The following SPTBN1 variants were observed in gnomAD, a reference collection of about 807,000 sequenced individuals.
The protein encoded by SPTBN1 is spectrin beta chain, non-erythrocytic 1.
A neutral mutation model predicts 266.4 loss-of-function variants in SPTBN1; 32 were observed. The observed-to-expected ratio is 0.12, with a 90% CI of 0.09 to 0.16. The LOEUF (loss-of-function observed/expected upper bound fraction) is 0.16, where lower values mean the gene tolerates loss of function less well. Ranked by LOEUF, SPTBN1 falls within the 10% of genes least tolerant of loss-of-function variation. SPTBN1 has a pLI of 1.00. For missense variants in SPTBN1, 2,296 were observed against 3,067.1 expected, an observed-to-expected ratio of 0.75 and a Z score of 5.94; for synonymous variants, 1,336 against 1,162.2, an observed-to-expected ratio of 1.15 and a Z score of -3.04.
chr2:54,477,983 T>C (rs1388794512), intron 1 of SPTBN1, among the ~76,000 whole-genome samples: 1 of 152,118 alleles, frequency 6.6e-6, no homozygotes, highest in African/African-American at 2.4e-5. Context: ...GAGAAAACCT[T>C]CTTCAGAGCC....
chr2:54,614,069 C>T (rs947446947), intron 4 of SPTBN1, among the ~76,000 whole-genome samples: 2 of 152,172 alleles, frequency 1.3e-5, no homozygotes, highest in Non-Finnish European at 2.9e-5. Flanking sequence ...TATAATTCAA[C>T]TTGTAAATGC....
chr2:54,605,667 C>T (rs1197534611), intron 3 of SPTBN1, among the ~76,000 whole-genome samples: 4 of 152,178 alleles, frequency 2.6e-5, no homozygotes, highest in Non-Finnish European at 5.9e-5. Flanking sequence ...TAAACTTGCC[C>T]AGGTATTGTG....
At chr2:54,603,007 C>T (rs1573508832) in intron 3 of SPTBN1, among the ~76,000 whole-genome samples, 2 of 152,328 alleles carry the variant, frequency 1.3e-5, no homozygotes, top group Non-Finnish European at 2.9e-5. Context: ...AGCCACAGAA[C>T]TCCTACATTA....
In SPTBN1 at chr2:54,645,552, C is replaced by T. The variant is rs370946395; in HGVS notation, c.4494+99C>T. 2,750 of 1,319,800 alleles carry T rather than the reference C, an allele frequency of 2.1e-3. 71 individuals carry two copies. The South Asian group carries it at 0.035, about 17-fold the overall frequency. The allele number at this position is 1,319,800 out of a possible 1,614,324, so 81.8% of individuals were successfully genotyped here. On this transcript the variant is annotated intron_variant, in intron 21 of 35. Coordinates refer to ENST00000356805, the MANE Select transcript of SPTBN1 (RefSeq NM_003128.3). The surrounding 1 kb of genome is among the most constrained non-coding windows in gnomAD (Gnocchi z 4.3). Reference sequence around the variant, plus strand: ...TCTCAGTCATCCTCACCTTGGGCCACGTTGGCAAGCTGAGCTGCCAAAGTC... The same window carrying T: ...TCTCAGTCATCCTCACCTTGGGCCATGTTGGCAAGCTGAGCTGCCAAAGTC...
chr2:54,604,654 TTATG>T (rs1220540437), intron 3 of SPTBN1, among the ~76,000 whole-genome samples: 1 of 152,102 alleles, frequency 6.6e-6, no homozygotes, highest in Non-Finnish European at 1.5e-5. Flanking sequence ...CTAGAGATGT[TTATG>T]TAGCCCCTTA....
intron 4 of SPTBN1, among the ~76,000 whole-genome samples, chr2:54,613,759 G>A (rs1191832652): frequency 6.6e-6 from 1 of 152,226 alleles, no homozygotes; most frequent in Non-Finnish European, 1.5e-5. Flanking sequence ...TGAATGATTT[G>A]AAAATGGAGT....
intron 4 of SPTBN1, among the ~76,000 whole-genome samples, chr2:54,612,880 TTGA>T (rs1677315766): frequency 6.6e-6 from 1 of 152,220 alleles, no homozygotes; most frequent in African/African-American, 2.4e-5. Flanking sequence ...TTTCTTTGAA[TTGA>T]TGATGCTTTA....
chr2:54,539,171 ACATTTGTTT>A (rs1475478796), intron 2 of SPTBN1, among the ~76,000 whole-genome samples: 54 of 152,148 alleles, frequency 3.5e-4, no homozygotes, highest in Non-Finnish European at 1.5e-5. Flanking sequence ...GACAGTGGTA[ACATTTGTTT>A]CCACATTCCC....
intron 1 of SPTBN1, among the ~76,000 whole-genome samples, chr2:54,499,303 TTTGCTGG>T (rs1385814095): frequency 6.6e-6 from 1 of 152,230 alleles, no homozygotes; most frequent in African/African-American, 2.4e-5. Flanking sequence ...TTGTTTAAAC[TTTGCTGG>T]TTCATGAGAT....
chr2:54,503,196 G>A (rs1001351917), intron 1 of SPTBN1, among the ~76,000 whole-genome samples: 13 of 152,228 alleles, frequency 8.5e-5, no homozygotes, highest in African/African-American at 3.1e-4. Context: ...GTGTCTCCAT[G>A]CTGATATATT....
intron 2 of SPTBN1, 46 bp downstream of exon 2, chr2:54,526,612 A>G (rs772993114): frequency 1.3e-6 from 2 of 1,582,668 alleles, no homozygotes; most frequent in Admixed American, 3.6e-5. Flanking sequence ...GCCTAAAATC[A>G]GGATGCCCCT....
chr2:54,633,426 C>CGT (rs748315152), intron 17 of SPTBN1, among the ~76,000 whole-genome samples: 5 of 129,946 alleles, frequency 3.8e-5, no homozygotes, highest in East Asian at 2.2e-4. Context: ...TGTGTGTGTG[C>CGT]GTGTGTGTGT....
chr2:54,528,885 A>T (rs1239892521), intron 2 of SPTBN1, among the ~76,000 whole-genome samples: 1 of 152,214 alleles, frequency 6.6e-6, no homozygotes, highest in African/African-American at 2.4e-5. Context: ...GGGGGGCAGG[A>T]ATTGCATTCA....
chr2:54,493,367 C>T (rs1398651318), intron 1 of SPTBN1, among the ~76,000 whole-genome samples: 2 of 145,988 alleles, frequency 1.4e-5, no homozygotes, highest in African/African-American at 4.9e-5. Flanking sequence ...CTGGGTTGCT[C>T]TTACATATAT....
intron 1 of SPTBN1, among the ~76,000 whole-genome samples, chr2:54,492,026 T>C (rs557073071): frequency 9.8e-5 from 15 of 152,300 alleles, no homozygotes; most frequent in Non-Finnish European, 2.2e-4. Flanking sequence ...ATGTGGTATT[T>C]TAAGAGCTTT....
intron 3 of SPTBN1, among the ~76,000 whole-genome samples, chr2:54,601,297 A>G (rs1187684111): frequency 6.6e-6 from 1 of 152,232 alleles, no homozygotes; most frequent in Non-Finnish European, 1.5e-5. Flanking sequence ...AAAAATAAAG[A>G]TACCATAGAT....
intron 2 of SPTBN1, among the ~76,000 whole-genome samples, chr2:54,555,701 G>C (rs920096287): frequency 6.6e-6 from 1 of 152,030 alleles, no homozygotes; most frequent in African/African-American, 2.4e-5. Context: ...TGCTTTTCGG[G>C]GCTTTCCTCC....
At chr2:54,632,941 G>A (rs1443831341) in intron 17 of SPTBN1, among the ~76,000 whole-genome samples, 173 bp downstream of exon 17, 3 of 152,230 alleles carry the variant, frequency 2.0e-5, no homozygotes, top group Non-Finnish European at 2.9e-5. Flanking sequence ...GTGCATGACT[G>A]CCTGAGAATG....
rs958971481 is a variant in SPTBN1 at position 54,523,555 on chromosome 2, G to A, written c.-47-2817G>A. ...ACCCAAGAGCCTACTGTTTATTTAAGGTGCAGTTAATTTGTTTCAGCTTAT... is the reference window on the plus strand; with the variant it reads ...ACCCAAGAGCCTACTGTTTATTTAAAGTGCAGTTAATTTGTTTCAGCTTAT... On this transcript the variant is annotated intron_variant, in intron 1 of 35. Coordinates refer to ENST00000356805, the MANE Select transcript of SPTBN1 (RefSeq NM_003128.3). 7.9e-5 allele frequency among the ~76,000 whole-genome samples: 12 copies of A among 152,298 alleles called. No homozygotes were observed. In the South Asian group the frequency reaches 1.0e-3, roughly 13 times the overall value.
Sources: gnomAD v4.1 joint callset for allele counts (sites outside exome capture counted in the v4.1 genomes callset) on GRCh38, gnomAD v4.1.1 for gene constraint, Gnocchi (gnomAD v3.1) non-coding constraint, MANE v1.5 for transcripts, NCBI Gene and HGNC (gene_info 2026-07-23, HGNC 2026-07-21) for gene names.